Variants in DMD observed in about 807,000 individuals in gnomAD.
DMD encodes mutant dystrophin.
Under a neutral mutation model 330.1 loss-of-function variants are expected in DMD, and 63 were observed. The ratio of observed to expected loss-of-function variants is 0.19; its 90% CI spans 0.16 to 0.24. The LOEUF is 0.24. DMD is among the 10% of genes least tolerant of loss of function. The probability of loss-of-function intolerance (pLI) is 1.00; values close to 1 mark genes in which losing one functional copy is unlikely to be tolerated. For synonymous variants in DMD, 1,223 were observed against 959.8 expected, an observed-to-expected ratio of 1.27 and a Z score of -5.07; for missense variants, 3,344 against 2,684.1, an observed-to-expected ratio of 1.25 and a Z score of -5.43.
At chrX:32,891,356 A>G (rs936240233) in intron 2 of DMD, among the ~76,000 whole-genome samples, 3 of 112,320 alleles carry the variant, frequency 2.7e-5, no homozygotes, top group African/African-American at 9.7e-5. Flanking sequence ...GGATCATATA[A>G]ATTAAGATGG....
chrX:33,258,121 A>T (rs1031756169), intron 1 of DMD, among the ~76,000 whole-genome samples: 8 of 111,548 alleles, frequency 7.2e-5, no homozygotes, highest in African/African-American at 2.6e-4. Context: ...ACAATGTTTT[A>T]TGCATGACAT....
At chrX:32,369,593 C>T (rs2097865695) in intron 34 of DMD, among the ~76,000 whole-genome samples, 1 of 110,866 alleles carries the variant, frequency 9.0e-6, no homozygotes, top group Admixed American at 9.6e-5. Flanking sequence ...ACAAACATTT[C>T]CCTTCAGGGG....
intron 60 of DMD, among the ~76,000 whole-genome samples, chrX:31,375,777 T>G (rs926794300): frequency 8.9e-6 from 1 of 111,795 alleles, no homozygotes; most frequent in African/African-American, 3.2e-5. Flanking sequence ...GTTCTGCAAG[T>G]CCACTACATG....
intron 1 of DMD, among the ~76,000 whole-genome samples, chrX:33,135,350 T>C (rs934986128): frequency 1.3e-4 from 15 of 112,377 alleles, no homozygotes; most frequent in African/African-American, 3.9e-4. Flanking sequence ...CCAACACGTG[T>C]TATTTAAACA....
chrX:31,538,902 A>G (rs1337001284), intron 55 of DMD, among the ~76,000 whole-genome samples: 2 of 111,149 alleles, frequency 1.8e-5, no homozygotes, highest in South Asian at 4.0e-4. Context: ...ATGTTTCACA[A>G]TCTGGACGGC....
At chrX:31,134,726 C>G (rs1034517166) in intron 76 of DMD, among the ~76,000 whole-genome samples, 1 of 112,304 alleles carries the variant, frequency 8.9e-6, no homozygotes, top group African/African-American at 3.2e-5. Context: ...CAGCCTACTG[C>G]GTATCTTTTT....
chrX:32,662,347 C>A (rs1031510096), intron 9 of DMD, among the ~76,000 whole-genome samples: 1 of 111,596 alleles, frequency 9.0e-6, no homozygotes, highest in Non-Finnish European at 1.9e-5. Flanking sequence ...GTAGAAAACT[C>A]ATGCAGAAAC....
intron 7 of DMD, among the ~76,000 whole-genome samples, chrX:32,790,993 G>T (rs1042082211): frequency 9.0e-6 from 1 of 110,605 alleles, no homozygotes; most frequent in African/African-American, 3.3e-5. Flanking sequence ...AAATCCCCCA[G>T]TACATAAAAA....
chrX:32,295,119 A>T (rs1013871755), intron 42 of DMD, among the ~76,000 whole-genome samples: 3 of 111,877 alleles, frequency 2.7e-5, no homozygotes, highest in Non-Finnish European at 5.6e-5. Context: ...CCACTTCACT[A>T]TTCCGCTGAA....
At position 33,203,500 on chromosome X, in the gene DMD, T is replaced by C. The variant is rs192642071; in HGVS notation, c.31+7782A>G. On this transcript the variant is annotated intron_variant, in intron 1 of 78. Transcript: ENST00000357033. ...CAGAAATAGCAATATGGGAGGAAAT[T>C]AGGGGTAAATAGATGGTAGAGACTG... 5.6e-3 allele frequency among the ~76,000 whole-genome samples: 626 copies of C among 111,377 alleles called. 3 individuals are homozygous for C. Among genetic ancestry groups the C allele is most frequent in the Non-Finnish European group, 9.5e-3 (502 of 52,989 alleles).
At chrX:32,223,190 G>A (rs2097137110) in intron 43 of DMD, among the ~76,000 whole-genome samples, 1 of 112,006 alleles carries the variant, frequency 8.9e-6, no homozygotes, top group Admixed American at 9.5e-5. Context: ...TGGAGGCTGG[G>A]AAGTCCAAGA....
At chrX:33,239,361 C>A (rs970329620) in intron 1 of DMD, among the ~76,000 whole-genome samples, 2 of 108,323 alleles carry the variant, frequency 1.8e-5, no homozygotes, top group Non-Finnish European at 3.8e-5. Context: ...TAACAAGAAC[C>A]CCAGATTATT....
At chrX:31,843,595 A>T (rs2093356283) in intron 48 of DMD, among the ~76,000 whole-genome samples, 1 of 111,508 alleles carries the variant, frequency 9.0e-6, no homozygotes. Context: ...AGTTCCCTAT[A>T]GATTATGGAT....
At chrX:32,692,717 C>T (rs1290733198) in intron 9 of DMD, among the ~76,000 whole-genome samples, 1 of 111,879 alleles carries the variant, frequency 8.9e-6, no homozygotes, top group Non-Finnish European at 1.9e-5. Flanking sequence ...TTGCCGAACT[C>T]TATACAGGTT....
At chrX:31,937,453 A>G (rs1603616666) in intron 45 of DMD, among the ~76,000 whole-genome samples, 1 of 111,879 alleles carries the variant, frequency 8.9e-6, no homozygotes, top group South Asian at 3.7e-4. Context: ...ATTTTTTAAA[A>G]AAACAGCATC....
intron 55 of DMD, among the ~76,000 whole-genome samples, chrX:31,597,986 G>A (rs2077183433): frequency 9.0e-6 from 1 of 111,664 alleles, no homozygotes; most frequent in Non-Finnish European, 1.9e-5. Flanking sequence ...AGGTAGAATT[G>A]TCAAAGAAGA....
At chrX:31,391,439 C>T (rs939148007) in intron 60 of DMD, among the ~76,000 whole-genome samples, 5 of 111,693 alleles carry the variant, frequency 4.5e-5, no homozygotes, top group Non-Finnish European at 9.4e-5. Flanking sequence ...TATATTAATG[C>T]TAACATTTTT....
chrX:31,238,682 C>T (rs969891485), intron 63 of DMD, among the ~76,000 whole-genome samples: 1 of 112,230 alleles, frequency 8.9e-6, no homozygotes, highest in Non-Finnish European at 1.9e-5. Flanking sequence ...CTTTCTGACA[C>T]TCAAAGCCTC....
chrX:32,048,487 T>C (rs545551209), intron 44 of DMD, among the ~76,000 whole-genome samples: 1 of 109,635 alleles, frequency 9.1e-6, no homozygotes, highest in African/African-American at 3.3e-5. Flanking sequence ...TCCTGACTCA[T>C]TTCTTTAGAT....
Sources: gnomAD v4.1 joint callset for allele counts (sites outside exome capture counted in the v4.1 genomes callset) on GRCh38, gnomAD v4.1.1 for gene constraint, MANE v1.5 for transcripts, NCBI Gene and HGNC (gene_info 2026-07-23, HGNC 2026-07-21) for gene names.